Variants in CIT observed in about 807,000 individuals in gnomAD.
CIT encodes the protein citron rho-interacting serine/threonine kinase.
Under a neutral mutation model 272.7 loss-of-function variants are expected in CIT, and 79 were observed. That is an observed-to-expected ratio of 0.29 (90% CI 0.24 to 0.35). The LOEUF (loss-of-function observed/expected upper bound fraction) is 0.35, where lower values mean the gene tolerates loss of function less well. Ranked by LOEUF, CIT falls within the 10% of genes least tolerant of loss-of-function variation. The pLI is 1.00. For synonymous variants in CIT, 948 were observed against 995.6 expected (o/e 0.95, Z 0.90); for missense variants, 1,909 against 2,618.3 (o/e 0.73, Z 5.91).
Position 119,718,490 on chromosome 12 carries a change from C to A in CIT, c.4004-81G>T. The stretch of plus-strand genomic sequence containing the variant: ...ACTAAGCCGAATGTCCCTGGGCTAT[C>A]TTTCAAGGACCCAAGACCAAAAGAA... On this transcript the variant is annotated intron_variant, in intron 31 of 47. Coordinates refer to ENST00000392521, the MANE Select transcript of CIT (RefSeq NM_001206999.2). The surrounding 1 kb of genome is among the most constrained non-coding windows in gnomAD (Gnocchi z 4.8). 6.6e-7 allele frequency: 1 copy of A among 1,515,828 alleles called. No homozygotes were observed. Among genetic ancestry groups the A allele is most frequent in the Non-Finnish European group, 8.9e-7 (1 of 1,122,998 alleles). 93.9% of individuals were successfully genotyped at this position (1,515,828 alleles called of 1,614,324 possible). A position where few individuals can be genotyped will look rare whatever the true frequency, so the allele number is the denominator to read the frequency against.
Position 119,712,540 on chromosome 12 carries a change from T to G in CIT, c.4684+51A>C. ...TACCACCCCTTCTGTCCCTGCTGAT[T>G]GGCCAAGCCCGGCCCACCTCCAGGG... is the stretch of plus-strand genomic sequence containing the variant. On this transcript the variant is annotated intron_variant, in intron 36 of 47. Coordinates refer to ENST00000392521, the MANE Select transcript of CIT (RefSeq NM_001206999.2). The surrounding 1 kb of genome is among the most constrained non-coding windows in gnomAD (Gnocchi z 5.2). 2 of 1,552,628 alleles carry G rather than the reference T, an allele frequency of 1.3e-6. No homozygotes were observed. The highest frequency in any genetic ancestry group is 1.8e-4 in the Middle Eastern group (1 of 5,664).
At chr12:119,764,977 T>C (rs1425292213) in intron 19 of CIT, among the ~76,000 whole-genome samples, 1 of 151,882 alleles carries the variant, frequency 6.6e-6, no homozygotes, top group Non-Finnish European at 1.5e-5. Flanking sequence ...TGGCTAATTT[T>C]TTTGTATTTT....
chr12:119,714,993 C>G (rs867301147), intron 32 of CIT, among the ~76,000 whole-genome samples: 1 of 152,220 alleles, frequency 6.6e-6, no homozygotes, highest in Non-Finnish European at 1.5e-5. Flanking sequence ...TGAATTGCAG[C>G]TGCCATAATT....
At chr12:119,689,162 T>C (rs1056699685) in intron 47 of CIT, among the ~76,000 whole-genome samples, 2 of 145,170 alleles carry the variant, frequency 1.4e-5, no homozygotes, top group Non-Finnish European at 1.5e-5. Context: ...CTGGGCAACA[T>C]AGTAAGACCC....
At chr12:119,766,092 A>G (rs1357649170) in intron 19 of CIT, among the ~76,000 whole-genome samples, 1 of 152,160 alleles carries the variant, frequency 6.6e-6, no homozygotes, top group Non-Finnish European at 1.5e-5. Context: ...GGAGAGCATC[A>G]GGAAGACAGC....
At chr12:119,753,340 G>A (rs1365811857) in intron 22 of CIT, among the ~76,000 whole-genome samples, 4 of 152,148 alleles carry the variant, frequency 2.6e-5, no homozygotes, top group Non-Finnish European at 5.9e-5. Flanking sequence ...AAGCCCATAG[G>A]GGTGAAGAGA....
intron 32 of CIT, among the ~76,000 whole-genome samples, chr12:119,716,815 T>A (rs1208495215): frequency 6.6e-6 from 1 of 152,078 alleles, no homozygotes; most frequent in African/African-American, 2.4e-5. Context: ...GTGTTTACAG[T>A]AACAGGGGAT....
rs761399132 is a variant in CIT at position 119,693,457 on chromosome 12, GA to G, written c.5883-3004del. ...TTCTGCCCCTCGTTCTCAGGAACTG[GA>G]ACTGTTTTGATCGCACAGTAAGCAA... On this transcript the variant is annotated intron_variant, in intron 46 of 47. Coordinates refer to ENST00000392521, the MANE Select transcript of CIT (RefSeq NM_001206999.2). Among the ~76,000 whole-genome samples the G allele has an allele frequency of 1.2e-3, 179 of 152,314 alleles. 1 individual carries two copies. The highest frequency in any genetic ancestry group is 1.5e-3 in the Non-Finnish European group (103 of 68,026).
intron 1 of CIT, 110 bp from the exon 2 acceptor site, chr12:119,876,291 C>T (rs1220004858): frequency 6.3e-6 from 4 of 630,158 alleles, no homozygotes; most frequent in African/African-American, 1.9e-5. Flanking sequence ...AAATCAGCTA[C>T]CACTCCAGTT....
intron 32 of CIT, among the ~76,000 whole-genome samples, chr12:119,715,032 G>A (rs1473930732): frequency 6.6e-6 from 1 of 152,220 alleles, no homozygotes; most frequent in Non-Finnish European, 1.5e-5. Context: ...CTTGGTGGGA[G>A]ATAACTGAAT....
At chr12:119,848,286 T>G (rs1969959129) in intron 5 of CIT, among the ~76,000 whole-genome samples, 1 of 152,176 alleles carries the variant, frequency 6.6e-6, no homozygotes, top group African/African-American at 2.4e-5. Context: ...ACACATAAAC[T>G]TATTTATTTT....
rs769659688 is a variant in CIT at position 119,758,719 on chromosome 12, A to T, written c.2422-19T>A. On this transcript the variant is annotated intron_variant, in intron 20 of 47. Transcript: ENST00000392521. ...TGATCATCTGAAACACAGGGCACCTATGAAACTTCACACACCAGAACAGGA... is the reference window on the plus strand; with the variant it reads ...TGATCATCTGAAACACAGGGCACCTTTGAAACTTCACACACCAGAACAGGA... 5 of 1,508,650 alleles carry T rather than the reference A, an allele frequency of 3.3e-6. No homozygotes were observed. The highest frequency in any genetic ancestry group is 4.6e-6 in the Non-Finnish European group (5 of 1,083,646). 93.5% of individuals were successfully genotyped at this position (1,508,650 alleles called of 1,614,324 possible). A position where few individuals can be genotyped will look rare whatever the true frequency, so the allele number is the denominator to read the frequency against.
At chr12:119,783,730 G>T in intron 12 of CIT, 178 bp downstream of exon 12, 1 of 654,918 alleles carries the variant, frequency 1.5e-6, no homozygotes. Context: ...CATTTCTTGG[G>T]GACCTTACGC....
At chr12:119,773,003 A>G in intron 16 of CIT, 93 bp from the exon 17 acceptor site, 2 of 1,100,236 alleles carry the variant, frequency 1.8e-6, no homozygotes, top group Non-Finnish European at 2.4e-6. Context: ...CCCAGAACTT[A>G]AAGTATAATC....
chr12:119,698,758 A>T (rs1052393918), intron 44 of CIT, among the ~76,000 whole-genome samples: 1 of 152,176 alleles, frequency 6.6e-6, no homozygotes. Flanking sequence ...ACTGATTTTT[A>T]AAAAGCTGGA....
At chr12:119,823,477 C>A (rs1259568734) in intron 8 of CIT, among the ~76,000 whole-genome samples, 1 of 152,106 alleles carries the variant, frequency 6.6e-6, no homozygotes, top group African/African-American at 2.4e-5. Flanking sequence ...TGCTACCTAA[C>A]AGTACCTGGT....
At chr12:119,845,107 G>A (rs1969699469) in intron 5 of CIT, among the ~76,000 whole-genome samples, 3 of 150,984 alleles carry the variant, frequency 2.0e-5, no homozygotes, top group South Asian at 2.1e-4. Flanking sequence ...GCAACAGAGC[G>A]AGACTCTATC....
At chr12:119,872,264 A>C (rs890063720) in intron 2 of CIT, among the ~76,000 whole-genome samples, 2 of 152,136 alleles carry the variant, frequency 1.3e-5, no homozygotes, top group Non-Finnish European at 2.9e-5. Context: ...AAAAGTTGGA[A>C]AACCTGTGTC....
intron 24 of CIT, among the ~76,000 whole-genome samples, chr12:119,738,140 A>G (rs1357459019): frequency 6.6e-6 from 1 of 152,246 alleles, no homozygotes; most frequent in African/African-American, 2.4e-5. Flanking sequence ...TAACAAAGCC[A>G]GAATTTGAAC....
Sources: gnomAD v4.1 joint callset for allele counts (sites outside exome capture counted in the v4.1 genomes callset) on GRCh38, gnomAD v4.1.1 for gene constraint, Gnocchi (gnomAD v3.1) non-coding constraint, MANE v1.5 for transcripts, NCBI Gene and HGNC (gene_info 2026-07-23, HGNC 2026-07-21) for gene names.